The following PDCD10 variants were observed in gnomAD, a reference collection of about 807,000 sequenced individuals.
PDCD10 encodes the protein programmed cell death 10.
A neutral mutation model predicts 29.2 loss-of-function variants in PDCD10; 4 were observed. The observed-to-expected ratio is 0.14, with a 90% CI of 0.07 to 0.31. The LOEUF (loss-of-function observed/expected upper bound fraction) is 0.31. Ranked by LOEUF, PDCD10 falls within the 10% of genes least tolerant of loss-of-function variation. PDCD10 has a pLI of 1.00. For synonymous variants in PDCD10, 70 were observed against 82.2 expected (o/e 0.85, Z 0.80); for missense variants, 183 against 257.9 (o/e 0.71, Z 1.99).
intron 4 of PDCD10, among the ~76,000 whole-genome samples, chr3:167,701,506 T>C (rs546999012): frequency 1.7e-4 from 26 of 152,290 alleles, no homozygotes; most frequent in African/African-American, 6.0e-4. Context: ...TTATTATTAT[T>C]GTTGTTCAAA....
intron 3 of PDCD10, among the ~76,000 whole-genome samples, chr3:167,714,902 C>T (rs1033035701): frequency 5.9e-5 from 9 of 151,868 alleles, no homozygotes; most frequent in Non-Finnish European, 8.8e-5. Context: ...TAGCAAAACA[C>T]CAATGACATT....
intron 2 of PDCD10, among the ~76,000 whole-genome samples, chr3:167,733,567 A>G (rs1725039724): frequency 6.6e-6 from 1 of 152,186 alleles, no homozygotes; most frequent in Non-Finnish European, 1.5e-5. Flanking sequence ...AAAATGGGGG[A>G]AAAGTAAAGT....
At position 167,725,763 on chromosome 3, in the gene PDCD10, T is replaced by TTATATATATA. The variant is rs67647566; in HGVS notation, c.-116-5500_-116-5491dup. Among the ~76,000 whole-genome samples, 109 of 77,158 alleles carry TTATATATATA rather than the reference T, an allele frequency of 1.4e-3. 8 individuals are homozygous for TTATATATATA. Among genetic ancestry groups the TTATATATATA allele is most frequent in the Non-Finnish European group, 2.3e-3 (84 of 37,260 alleles). 50.6% of individuals were successfully genotyped at this position (77,158 alleles called of 152,430 possible). ...ATATAGCACTTTACCATTGTATCGT[T>TTATATATATA]TATATATATATATATATATATATAT... On this transcript the variant is annotated intron_variant, in intron 2 of 8. Transcript: ENST00000392750.
At chr3:167,695,456 TA>T in intron 6 of PDCD10, 139 bp downstream of exon 6, 1 of 753,582 alleles carries the variant, frequency 1.3e-6, no homozygotes, top group Non-Finnish European at 2.3e-6. Context: ...ATAAAGTTAA[TA>T]AAATGTGGTA....
chr3:167,683,497 T>G lies in PDCD10; in HGVS notation c.*811A>C, dbSNP rs1459253392. ...ATTACTATTAATTGTGGCTATTTTT[T>G]GGGAAAAAATTGTGCAAAGCTTATG... On this transcript the variant is annotated 3_prime_UTR_variant, in exon 9 of 9. Transcript: ENST00000392750. 1.3e-5 allele frequency: 2 copies of G among 151,928 alleles called. No individual in the cohort carries two copies. The highest frequency in any genetic ancestry group is 2.9e-5 in the Non-Finnish European group (2 of 67,888). 9.4% of individuals were successfully genotyped at this position (151,928 alleles called of 1,614,324 possible). A position where few individuals can be genotyped will look rare whatever the true frequency, so the allele number is the denominator to read the frequency against.
intron 2 of PDCD10, among the ~76,000 whole-genome samples, chr3:167,728,989 T>C (rs1240162664): frequency 2.0e-5 from 3 of 152,080 alleles, no homozygotes; most frequent in African/African-American, 7.2e-5. Flanking sequence ...AACAAAAAAA[T>C]AACTTCACTA....
chr3:167,698,787 C>T (rs1008778694), intron 4 of PDCD10, among the ~76,000 whole-genome samples: 2 of 152,054 alleles, frequency 1.3e-5, no homozygotes, highest in Non-Finnish European at 2.9e-5. Context: ...AAAAGCATAT[C>T]TCTGATTAAG....
In PDCD10 at chr3:167,684,145, A is replaced by G. The variant is rs186883111; in HGVS notation, c.*163T>C. 5.2e-5 allele frequency: 30 copies of G among 577,176 alleles called. No individual in the cohort carries two copies. The highest frequency in any genetic ancestry group is 5.0e-4 in the African/African-American group (27 of 53,544). The allele number at this position is 577,176 out of a possible 1,614,324, so 35.8% of individuals were successfully genotyped here. A position where few individuals can be genotyped will look rare whatever the true frequency, so the allele number is the denominator to read the frequency against. The stretch of plus-strand genomic sequence containing the variant: ...CAGTGTGAGATTATGATTAAGCTAC[A>G]TTTTACAAAAATATGGTGTAAGATG... On this transcript the variant is annotated 3_prime_UTR_variant, in exon 9 of 9. Coordinates refer to ENST00000392750, the MANE Select transcript of PDCD10 (RefSeq NM_007217.4).
chr3:167,727,331 A>T (rs1400635058), intron 2 of PDCD10, among the ~76,000 whole-genome samples: 5 of 152,242 alleles, frequency 3.3e-5, no homozygotes, highest in Non-Finnish European at 5.9e-5. Context: ...TCAGGGGGAA[A>T]AACATACATC....
In PDCD10 at chr3:167,683,866, T is replaced by TATAC. The variant is rs1553758161; in HGVS notation, c.*441_*442insGTAT. The stretch of plus-strand genomic sequence containing the variant: ...ATATATATATATATATATATATATA[T>TATAC]ACACACATATATATATGCATTTTTT... On this transcript the variant is annotated 3_prime_UTR_variant, in exon 9 of 9. Transcript: ENST00000392750. The TATAC allele has an allele frequency of 5.8e-5, 8 of 137,094 alleles. No homozygotes were observed. The highest frequency in any genetic ancestry group is 1.8e-4 in the African/African-American group (6 of 33,780). The allele number at this position is 137,094 out of a possible 1,614,324, so 8.5% of individuals were successfully genotyped here.
intron 6 of PDCD10, among the ~76,000 whole-genome samples, chr3:167,688,321 A>T (rs949816086): frequency 6.6e-6 from 1 of 152,100 alleles, no homozygotes; most frequent in Non-Finnish European, 1.5e-5. Flanking sequence ...TCTTTCAAAC[A>T]CTTACTATCA....
chr3:167,698,063 T>C, intron 4 of PDCD10: 2 of 451,046 alleles, frequency 4.4e-6, no homozygotes, highest in Non-Finnish European at 8.9e-6. Context: ...TCAAGCACAC[T>C]TAACCTCCGC....
At position 167,685,082 on chromosome 3, in the gene PDCD10, C is replaced by A. The variant is rs529281974; in HGVS notation, c.558-693G>T. Among the ~76,000 whole-genome samples, 9 of 152,152 alleles carry A rather than the reference C, an allele frequency of 5.9e-5. No homozygotes were observed. The South Asian group carries it at 1.9e-3, about 32-fold the overall frequency. ...CCTCAACAGTTTCCTAGTATCATATCTAGCATGCACCCGCATCCTAGACAT... is the reference window on the plus strand; with the variant it reads ...CCTCAACAGTTTCCTAGTATCATATATAGCATGCACCCGCATCCTAGACAT... On this transcript the variant is annotated intron_variant, in intron 8 of 8. Coordinates refer to ENST00000392750, the MANE Select transcript of PDCD10 (RefSeq NM_007217.4).
chr3:167,702,685 T>A (rs1721567964), intron 4 of PDCD10, among the ~76,000 whole-genome samples: 1 of 152,206 alleles, frequency 6.6e-6, no homozygotes, highest in African/African-American at 2.4e-5. Flanking sequence ...TGATGAAAAT[T>A]ATTGTCGTTG....
intron 2 of PDCD10, chr3:167,725,559 C>T (rs575221659): frequency 6.6e-6 from 1 of 151,682 alleles, no homozygotes; most frequent in Non-Finnish European, 1.5e-5. Context: ...GATATACCTA[C>T]ATCTCTCTCC....
intron 8 of PDCD10, among the ~76,000 whole-genome samples, chr3:167,686,987 G>A (rs1479641932): frequency 1.3e-5 from 2 of 152,082 alleles, no homozygotes; most frequent in East Asian, 3.9e-4. Context: ...ACGGCAACAG[G>A]CCCACCAAAT....
At position 167,702,697 on chromosome 3, in the gene PDCD10, G is replaced by A. The variant is rs539059788; in HGVS notation, c.150+2145C>T. ...CCATGATGAAAATTATTGTCGTTGC[G>A]GACCAATAATTGGAATTATGAATAT... On this transcript the variant is annotated intron_variant, in intron 4 of 8. Transcript: ENST00000392750. Among the ~76,000 whole-genome samples the A allele has an allele frequency of 2.0e-4, 31 of 152,106 alleles. No homozygotes were observed. In the East Asian group the frequency reaches 5.0e-3, roughly 25 times the overall value.
In PDCD10 at chr3:167,695,713, A is replaced by G. The variant is rs1420624933; in HGVS notation, c.278T>C (p.Ile93Thr). 5 of 1,613,604 alleles carry G rather than the reference A, an allele frequency of 3.1e-6. No individual in the cohort carries two copies. Among genetic ancestry groups the G allele is most frequent in the African/African-American group, 1.3e-5 (1 of 74,918 alleles). ...TTGGAATTCTGGCTCTGGTCGTTCA[A>G]TCATATACTCTGATAAAATAAATAC... The part of the protein sequence containing the change: ...MAADDVEEYM[I>T]ERPEPEFQDL... The change falls in exon 6 of 9, where the codon ATT becomes ACT. Residue 93 changes from isoleucine (I) to threonine (T), a missense_variant. By Grantham distance (89) the Ile-to-Thr change is moderately conservative. Coordinates refer to ENST00000392750, the MANE Select transcript of PDCD10 (RefSeq NM_007217.4).
intron 8 of PDCD10, among the ~76,000 whole-genome samples, chr3:167,684,768 A>G (rs1719408829): frequency 6.6e-6 from 1 of 152,158 alleles, no homozygotes; most frequent in Non-Finnish European, 1.5e-5. Context: ...AAAATTTGTA[A>G]TTAATGGGCA....
Sources: gnomAD v4.1 joint callset for allele counts (sites outside exome capture counted in the v4.1 genomes callset) on GRCh38, gnomAD v4.1.1 for gene constraint, MANE v1.5 for transcripts, NCBI Gene and HGNC (gene_info 2026-07-23, HGNC 2026-07-21) for gene names.